The following SLFN12L variants were observed in gnomAD, a reference collection of about 807,000 sequenced individuals.
The protein encoded by SLFN12L is schlafen family member 12-like.
Under a neutral mutation model 34.8 loss-of-function variants are expected in SLFN12L, and 34 were observed. The observed-to-expected ratio is 0.98, with a 90% CI of 0.74 to 1.30. SLFN12L has a LOEUF of 1.30. SLFN12L is among the 50% of genes most tolerant of loss of function. SLFN12L has a pLI of 0.00. For synonymous variants in SLFN12L, 259 were observed against 247.5 expected (o/e 1.05, Z -0.44); for missense variants, 703 against 696.2 (o/e 1.01, Z -0.11).
At chr17:35,501,230 G>A (rs958299892) in intron 2 of SLFN12L, among the ~76,000 whole-genome samples, 3 of 152,198 alleles carry the variant, frequency 2.0e-5, no homozygotes, top group East Asian at 1.9e-4. Flanking sequence ...CATTTTCCCT[G>A]GTGGAATGCC....
intron 2 of SLFN12L, among the ~76,000 whole-genome samples, chr17:35,495,006 G>T (rs1388171085): frequency 6.6e-6 from 1 of 151,960 alleles, no homozygotes; most frequent in African/African-American, 2.4e-5. Flanking sequence ...CCCAGGCTCA[G>T]ATGATCCTGA....
Position 35,475,011 on chromosome 17 carries a change from A to G in SLFN12L, c.1751T>C (p.Leu584Ser). 1 of 1,588,610 alleles carries G rather than the reference A, an allele frequency of 6.3e-7. No individual in the cohort carries two copies. Among genetic ancestry groups the G allele is most frequent in the Non-Finnish European group, 8.6e-7 (1 of 1,165,624 alleles). Reference protein sequence around the residue: ...KDLEKALSNILPKENQIFLFV... With the variant: ...KDLEKALSNISPKENQIFLFV... Reference sequence around the variant, plus strand: ...CAAAAAGATTTGATTCTCCTTAGGTAAGATATTTGAAAGGGCCTTTTCCAA... The same window carrying G: ...CAAAAAGATTTGATTCTCCTTAGGTGAGATATTTGAAAGGGCCTTTTCCAA... The change falls in exon 5 of 5, where the codon TTA becomes TCA. Residue 584 changes from leucine (L) to serine (S), a missense_variant. By Grantham distance (145) the Leu-to-Ser change is moderately radical (BLOSUM62 -2). Coordinates refer to ENST00000628453, the MANE Select transcript of SLFN12L (RefSeq NM_001363830.2).
intron 2 of SLFN12L, among the ~76,000 whole-genome samples, chr17:35,491,940 T>A (rs1045765673): frequency 2.0e-5 from 3 of 152,220 alleles, no homozygotes; most frequent in African/African-American, 7.2e-5. Flanking sequence ...TGTTGTGGAT[T>A]TTCCTGTCTC....
At chr17:35,534,007 G>T (rs1295146553) in intron 1 of SLFN12L, among the ~76,000 whole-genome samples, 1 of 152,068 alleles carries the variant, frequency 6.6e-6, no homozygotes, top group Admixed American at 6.5e-5. Context: ...GGGAGGCAAA[G>T]TTTGCAGTGA....
chr17:35,487,756 C>G, intron 2 of SLFN12L: 1 of 1,536,104 alleles, frequency 6.5e-7, no homozygotes, highest in African/African-American at 1.4e-5. Context: ...GCACTCTTCA[C>G]CAAGTAGGGG....
chr17:35,499,027 C>T, intron 2 of SLFN12L: 1 of 732,406 alleles, frequency 1.4e-6, no homozygotes, highest in Non-Finnish European at 2.4e-6. Context: ...TTGAACACTG[C>T]AGAAATCTCC....
chr17:35,489,351 A>C (rs1270982250), intron 2 of SLFN12L, among the ~76,000 whole-genome samples: 1 of 152,026 alleles, frequency 6.6e-6, no homozygotes, highest in Non-Finnish European at 1.5e-5. Context: ...CCAGGACTTC[A>C]GGACTAGCCT....
In SLFN12L at chr17:35,471,530, C is replaced by T. The variant is rs1913808763; in HGVS notation, c.*3393G>A. Among the ~76,000 whole-genome samples, 1 of 152,126 alleles carries T rather than the reference C, an allele frequency of 6.6e-6. No individual in the cohort carries two copies. The highest frequency in any genetic ancestry group is 1.5e-5 in the Non-Finnish European group (1 of 68,026). The stretch of plus-strand genomic sequence containing the variant: ...TCAAATGGTATTTCTGGTTCTAGAT[C>T]CTTGAGGAATCGCCACACTGTCTTC... On this transcript the variant is annotated 3_prime_UTR_variant, in exon 5 of 5. Coordinates refer to ENST00000628453, the MANE Select transcript of SLFN12L (RefSeq NM_001363830.2).
intron 2 of SLFN12L, chr17:35,489,986 G>A: frequency 6.5e-7 from 1 of 1,540,154 alleles, no homozygotes; most frequent in Non-Finnish European, 8.9e-7. Flanking sequence ...AGCAAATTGG[G>A]AATAGAAAGA....
At position 35,470,912 on chromosome 17, in the gene SLFN12L, T is replaced by C. The variant is rs1407790627; in HGVS notation, c.*4011A>G. On this transcript the variant is annotated 3_prime_UTR_variant, in exon 5 of 5. Coordinates refer to ENST00000628453, the MANE Select transcript of SLFN12L (RefSeq NM_001363830.2). The stretch of plus-strand genomic sequence containing the variant: ...CACTTATGAGTGAGAACATGTAGTG[T>C]TTCATTTTCTGTTCCCATGTTAGTT... Among the ~76,000 whole-genome samples, 1 of 152,036 alleles carries C rather than the reference T, an allele frequency of 6.6e-6. No individual in the cohort carries two copies. The highest frequency in any genetic ancestry group is 1.9e-4 in the East Asian group (1 of 5,166).
chr17:35,483,402 G>GA (rs1363863694), intron 2 of SLFN12L, among the ~76,000 whole-genome samples: 1 of 152,186 alleles, frequency 6.6e-6, no homozygotes, highest in East Asian at 1.9e-4. Flanking sequence ...TTTCTGGCCA[G>GA]AAAATCAACA....
intron 1 of SLFN12L, among the ~76,000 whole-genome samples, chr17:35,530,391 A>G (rs1212364113): frequency 1.2e-4 from 1 of 8,380 alleles, no homozygotes; most frequent in Non-Finnish European, 2.1e-4. Context: ...GGAAGGAAGG[A>G]AGGAAGGAAG....
chr17:35,477,944 A>T, intron 4 of SLFN12L, 131 bp downstream of exon 4: 1 of 626,090 alleles, frequency 1.6e-6, no homozygotes, highest in East Asian at 3.1e-5. Context: ...TCAATGACTA[A>T]AAACACCAAA....
intron 2 of SLFN12L, among the ~76,000 whole-genome samples, chr17:35,489,709 A>C (rs1050300669): frequency 6.6e-6 from 1 of 152,176 alleles, no homozygotes; most frequent in Admixed American, 6.5e-5. Context: ...AAGGAACATC[A>C]CATGATCATT....
intron 1 of SLFN12L, among the ~76,000 whole-genome samples, chr17:35,530,439 G>A (rs866564382): frequency 0.33 from 3,613 of 10,846 alleles, 1,047 homozygotes; most frequent in African/African-American, 0.37. Flanking sequence ...GGGAAGGGAA[G>A]GGAAGAAAGA....
chr17:35,518,599 G>A (rs1309360220), intron 2 of SLFN12L, among the ~76,000 whole-genome samples: 1 of 144,572 alleles, frequency 6.9e-6, no homozygotes, highest in Non-Finnish European at 1.5e-5. Flanking sequence ...ATGAAAAAAA[G>A]CTTACCATCA....
At position 35,475,434 on chromosome 17, in the gene SLFN12L, A is replaced by C; in HGVS notation, c.1328T>G (p.Phe443Cys). 6.2e-7 allele frequency: 1 copy of C among 1,613,640 alleles called. No individual in the cohort carries two copies. The highest frequency in any genetic ancestry group is 8.5e-7 in the Non-Finnish European group (1 of 1,179,874). ...CAPKTFCRNL[F>C]SQHEGLKQLI... is the part of the protein sequence containing the mutation. Reference sequence around the variant, plus strand: ...TTGCTTAAGTCCTTCATGTTGTGAGAACAGATTTCTGCAGAAGGTTTTTGG... The same window carrying C: ...TTGCTTAAGTCCTTCATGTTGTGAGCACAGATTTCTGCAGAAGGTTTTTGG... The change falls in exon 5 of 5, where the codon TTC becomes TGC. Residue 443 changes from phenylalanine to cysteine, a missense_variant. Coordinates refer to ENST00000628453, the MANE Select transcript of SLFN12L (RefSeq NM_001363830.2).
chr17:35,509,845 C>G (rs1915581580), intron 2 of SLFN12L, among the ~76,000 whole-genome samples: 1 of 152,006 alleles, frequency 6.6e-6, no homozygotes, highest in Non-Finnish European at 1.5e-5. Flanking sequence ...CTACAGGTGC[C>G]TGCCACCACG....
intron 2 of SLFN12L, chr17:35,500,350 A>C (rs904044188): frequency 3.3e-5 from 5 of 152,216 alleles, no homozygotes; most frequent in Admixed American, 3.3e-4. Flanking sequence ...TCTGCCTCTA[A>C]AGAAAGAAGA....
Sources: gnomAD v4.1 joint callset for allele counts (sites outside exome capture counted in the v4.1 genomes callset) on GRCh38, gnomAD v4.1.1 for gene constraint, MANE v1.5 for transcripts, NCBI Gene and HGNC (gene_info 2026-07-23, HGNC 2026-07-21) for gene names.